The following STARD3NL variants were observed in gnomAD, a reference collection of about 807,000 sequenced individuals.
The protein encoded by STARD3NL is STARD3 N-terminal-like protein.
Under a neutral mutation model 30.9 loss-of-function variants are expected in STARD3NL, and 17 were observed. The observed-to-expected ratio is 0.55, with a 90% CI of 0.38 to 0.82. The LOEUF is 0.82. STARD3NL is among the 40% of genes least tolerant of loss of function. STARD3NL has a pLI of 0.00. For synonymous variants in STARD3NL, 112 were observed against 100.5 expected (o/e 1.11, Z -0.69); for missense variants, 234 against 277.6 (o/e 0.84, Z 1.12).
chr7:38,200,709 T>C (rs1785135674), intron 1 of STARD3NL, among the ~76,000 whole-genome samples: 1 of 152,194 alleles, frequency 6.6e-6, no homozygotes, highest in Non-Finnish European at 1.5e-5. Context: ...AGAAAGATTC[T>C]TGAGCTCTCC....
At chr7:38,199,387 A>T (rs1228104490) in intron 1 of STARD3NL, among the ~76,000 whole-genome samples, 3 of 152,240 alleles carry the variant, frequency 2.0e-5, no homozygotes, top group Non-Finnish European at 4.4e-5. Context: ...GATTGCTGAG[A>T]GCCTACTCTC....
chr7:38,218,082 T>C (rs1331881444), intron 6 of STARD3NL, among the ~76,000 whole-genome samples: 1 of 152,190 alleles, frequency 6.6e-6, no homozygotes, highest in African/African-American at 2.4e-5. Flanking sequence ...CCACATAATG[T>C]CCTTAATGGA....
At chr7:38,205,071 G>A (rs1418891615) in intron 1 of STARD3NL, among the ~76,000 whole-genome samples, 2 of 152,186 alleles carry the variant, frequency 1.3e-5, no homozygotes, top group East Asian at 1.9e-4. Flanking sequence ...GGAGGAGCTG[G>A]TACCATTCCT....
intron 1 of STARD3NL, among the ~76,000 whole-genome samples, chr7:38,183,972 T>C (rs1217667760): frequency 6.6e-6 from 1 of 152,190 alleles, no homozygotes; most frequent in African/African-American, 2.4e-5. Flanking sequence ...ACAATGATAG[T>C]TGCAATTTTT....
At chr7:38,198,819 C>T (rs1286444195) in intron 1 of STARD3NL, among the ~76,000 whole-genome samples, 1 of 152,186 alleles carries the variant, frequency 6.6e-6, no homozygotes, top group Admixed American at 6.5e-5. Flanking sequence ...GGTAGTGTCA[C>T]TTCTGTGTGG....
chr7:38,225,070 T>C (rs1424904693), intron 7 of STARD3NL, among the ~76,000 whole-genome samples: 6 of 152,158 alleles, frequency 3.9e-5, no homozygotes, highest in Non-Finnish European at 7.4e-5. Flanking sequence ...TGGTATCTCA[T>C]TGTGGTTTTA....
intron 1 of STARD3NL, among the ~76,000 whole-genome samples, chr7:38,204,261 A>C (rs1375373765): frequency 6.6e-6 from 1 of 152,276 alleles, no homozygotes; most frequent in African/African-American, 2.4e-5. Flanking sequence ...CAAATGTAAA[A>C]GAAGAGAAAT....
At chr7:38,223,740 A>G (rs1476595992) in intron 7 of STARD3NL, among the ~76,000 whole-genome samples, 2 of 143,124 alleles carry the variant, frequency 1.4e-5, no homozygotes, top group East Asian at 2.1e-4. Flanking sequence ...TTTAATCAAA[A>G]TTTTGAAAAT....
rs1787037609 is a variant in STARD3NL, at chr7:38,230,500, A to G, written c.*595A>G. The G allele has an allele frequency of 6.6e-6, 1 of 152,364 alleles. No individual in the cohort carries two copies. The highest frequency in any genetic ancestry group is 2.4e-5 in the African/African-American group (1 of 41,464). The allele number at this position is 152,364 out of a possible 1,614,324, so 9.4% of individuals were successfully genotyped here. A position where few individuals can be genotyped will look rare whatever the true frequency, so the allele number is the denominator to read the frequency against. ...AGGGGAAGAAAGGAATTGCGAATAC[A>G]TGTAAAATGTCACCAGACATTTGTA... On this transcript the variant is annotated 3_prime_UTR_variant, in exon 9 of 9. Coordinates refer to ENST00000009041, the MANE Select transcript of STARD3NL (RefSeq NM_032016.4).
chr7:38,192,179 T>A (rs1047418345), intron 1 of STARD3NL, among the ~76,000 whole-genome samples: 1 of 152,240 alleles, frequency 6.6e-6, no homozygotes, highest in Non-Finnish European at 1.5e-5. Context: ...TTTTGCTTTC[T>A]CTTTCTCTTT....
intron 4 of STARD3NL, chr7:38,215,472 T>C: frequency 4.2e-6 from 1 of 236,510 alleles, no homozygotes; most frequent in Non-Finnish European, 8.2e-6. Context: ...GTGATTGTTT[T>C]CATGACATGG....
At chr7:38,214,777 A>T (rs568350883) in intron 3 of STARD3NL, among the ~76,000 whole-genome samples, 1 of 152,334 alleles carries the variant, frequency 6.6e-6, no homozygotes, top group East Asian at 1.9e-4. Flanking sequence ...GTATAATAAG[A>T]TGATGAAAAT....
At chr7:38,179,009 C>T (rs1167019698) in intron 1 of STARD3NL, 3 of 152,070 alleles carry the variant, frequency 2.0e-5, no homozygotes, top group Non-Finnish European at 2.9e-5. Flanking sequence ...GGGATTTTTC[C>T]CCCTCTCTTT....
intron 2 of STARD3NL, among the ~76,000 whole-genome samples, chr7:38,209,234 A>G (rs1785656336): frequency 6.6e-6 from 1 of 152,150 alleles, no homozygotes; most frequent in South Asian, 2.1e-4. Context: ...AAGGAGTAAT[A>G]TGATTTCAAA....
chr7:38,221,463 C>G (rs923119082), intron 7 of STARD3NL, among the ~76,000 whole-genome samples: 2 of 152,084 alleles, frequency 1.3e-5, no homozygotes, highest in Non-Finnish European at 2.9e-5. Context: ...TAGATGTTTG[C>G]TAAGTGCCTC....
At chr7:38,201,432 T>TTATTCACA (rs1180609265) in intron 1 of STARD3NL, among the ~76,000 whole-genome samples, 2 of 152,172 alleles carry the variant, frequency 1.3e-5, no homozygotes, top group Non-Finnish European at 2.9e-5. Flanking sequence ...AGTGGGTTTG[T>TTATTCACA]GGAAGGAAAA....
chr7:38,214,609 G>A (rs952937833), intron 3 of STARD3NL, among the ~76,000 whole-genome samples, 175 bp downstream of exon 3: 2 of 152,004 alleles, frequency 1.3e-5, no homozygotes, highest in African/African-American at 4.8e-5. Context: ...ATAAGGAATT[G>A]TGTCATCATC....
At chr7:38,216,773 AC>A in intron 4 of STARD3NL, 1 of 511,710 alleles carries the variant, frequency 2.0e-6, no homozygotes, top group South Asian at 3.0e-5. Context: ...GTTACCTAGC[AC>A]ACCAGCCTGC....
At chr7:38,212,667 G>GCC (rs1785875326) in intron 2 of STARD3NL, among the ~76,000 whole-genome samples, 1 of 152,204 alleles carries the variant, frequency 6.6e-6, no homozygotes, top group African/African-American at 2.4e-5. Context: ...GTAAGAACAT[G>GCC]AATTCGGAAG....
Sources: gnomAD v4.1 joint callset for allele counts (sites outside exome capture counted in the v4.1 genomes callset) on GRCh38, gnomAD v4.1.1 for gene constraint, MANE v1.5 for transcripts, NCBI Gene and HGNC (gene_info 2026-07-23, HGNC 2026-07-21) for gene names.